The following AMZ1 variants were observed in gnomAD, a reference collection of about 807,000 sequenced individuals.
AMZ1 encodes archaelysin family metallopeptidase 1, also known as archaemetzincin-1.
In AMZ1, 39 loss-of-function variants were observed where a neutral mutation model predicts 29.9. The ratio of observed to expected loss-of-function variants is 1.30; its 90% CI spans 1.01 to 1.70. AMZ1 has a LOEUF of 1.70. AMZ1 is among the 40% of genes most tolerant of loss of function. The probability of loss-of-function intolerance (pLI) is 0.00; values close to 1 mark genes in which losing one functional copy is unlikely to be tolerated. For synonymous variants in AMZ1, 458 were observed against 304.0 expected (o/e 1.51, Z -5.27); for missense variants, 1,041 against 680.6 (o/e 1.53, Z -5.89).
chr7:2,701,032 T>C (rs1788025141), intron 2 of AMZ1, among the ~76,000 whole-genome samples: 1 of 152,186 alleles, frequency 6.6e-6, no homozygotes, highest in African/African-American at 2.4e-5. Context: ...TGGCTACGCC[T>C]GTTGAAACTA....
intron 4 of AMZ1, among the ~76,000 whole-genome samples, chr7:2,745,928 A>G (rs1342192600): frequency 1.3e-5 from 2 of 152,222 alleles, no homozygotes; most frequent in African/African-American, 4.8e-5. Context: ...AAAGAAGGCC[A>G]TTACATAATG....
In AMZ1 at chr7:2,712,771, C is replaced by A. The variant is rs201069985; in HGVS notation, c.1390C>A (p.Arg464Ser). 5 of 1,590,780 alleles carry A rather than the reference C, an allele frequency of 3.1e-6. No homozygotes were observed. Among genetic ancestry groups the A allele is most frequent in the Non-Finnish European group, 8.6e-7 (1 of 1,166,516 alleles). Reference sequence around the variant, plus strand: ...CAGCAGCAGGGACAGCGTGGGGCTGCGCAAGGTGCTGGGGGACAAGTTCTC... The same window carrying A: ...CAGCAGCAGGGACAGCGTGGGGCTGAGCAAGGTGCTGGGGGACAAGTTCTC... ...PPSSRDSVGL[R>S]KVLGDKFSSL... Residue 464 changes from arginine to serine, a missense_variant, in exon 7 of 7, where the codon CGC becomes AGC. By Grantham distance (110) the Arg-to-Ser change is moderately radical. Coordinates refer to ENST00000683327, the MANE Select transcript of AMZ1 (RefSeq NM_001384743.1).
intron 4 of AMZ1, among the ~76,000 whole-genome samples, chr7:2,737,233 C>T (rs941813271): frequency 2.8e-4 from 40 of 145,282 alleles, no homozygotes; most frequent in Non-Finnish European, 4.7e-4. Context: ...TAATTTTAAA[C>T]CCTATCTGCC....
rs563263197 is a variant in AMZ1 at position 2,712,391 on chromosome 7, C to G, written c.1010C>G (p.Pro337Arg). 9.9e-6 allele frequency: 16 copies of G among 1,609,880 alleles called. No individual in the cohort carries two copies. The highest frequency in any genetic ancestry group is 1.4e-5 in the Non-Finnish European group (16 of 1,178,580). The change falls in exon 7 of 7, where the codon CCG (proline) becomes CGG (arginine). Residue 337 changes from proline (P) to arginine (R), a missense_variant. Transcript: ENST00000683327. ...TGGCCCAGCCAGGAGGCGGGGGAGC[C>G]GTCAGTGTGGGAGGACACCCCGCCT... ...GTWPSQEAGE[P>R]SVWEDTPPAS...
At chr7:2,757,082 G>A (rs1281616700) in intron 4 of AMZ1, among the ~76,000 whole-genome samples, 1 of 151,506 alleles carries the variant, frequency 6.6e-6, no homozygotes, top group Non-Finnish European at 1.5e-5. Flanking sequence ...CCCAAGGCGG[G>A]GGAAAAAAGG....
chr7:2,689,371 G>GGGC (rs753061092), intron 1 of AMZ1, among the ~76,000 whole-genome samples: 43 of 83,222 alleles, frequency 5.2e-4, no homozygotes, highest in Non-Finnish European at 9.8e-4. Context: ...GAACCTCCCT[G>GGGC]GGGGGGGGAT....
At chr7:2,694,253 A>G (rs1315329095) in intron 1 of AMZ1, among the ~76,000 whole-genome samples, 2 of 152,094 alleles carry the variant, frequency 1.3e-5, no homozygotes, top group Non-Finnish European at 2.9e-5. Context: ...TTCACCCCTC[A>G]TTTCCTGCCT....
At chr7:2,736,615 C>T (rs945776086) in intron 4 of AMZ1, among the ~76,000 whole-genome samples, 1 of 152,190 alleles carries the variant, frequency 6.6e-6, no homozygotes, top group Non-Finnish European at 1.5e-5. Flanking sequence ...GATGTGATGT[C>T]GTGACACTGG....
At chr7:2,684,908 C>T (rs1255058782), upstream of AMZ1, among the ~76,000 whole-genome samples, 40 of 145,792 alleles carry the variant, frequency 2.7e-4, no homozygotes, top group Admixed American at 1.2e-3. Flanking sequence ...GAGTCTCTGT[C>T]GCCCAGGCTG....
chr7:2,687,555 A>C (rs773874703), upstream of AMZ1, among the ~76,000 whole-genome samples: 13 of 152,226 alleles, frequency 8.5e-5, no homozygotes, highest in African/African-American at 1.7e-4. Flanking sequence ...CCTTCACGGC[A>C]TCCTTCCGCA....
chr7:2,695,939 G>A (rs1787690405), intron 1 of AMZ1, among the ~76,000 whole-genome samples: 1 of 151,154 alleles, frequency 6.6e-6, no homozygotes, highest in African/African-American at 2.4e-5. Flanking sequence ...GAACCCGGAG[G>A]CGGAGGTTGC....
In AMZ1 at chr7:2,733,404, T is replaced by G. The variant is rs528925505; in HGVS notation, n.550+23588T>G. On this transcript the variant is annotated intron_variant and non_coding_transcript_variant, in intron 4 of 4. Transcript: ENST00000489665. ...GGACTGCTTTGGTCTCTGGACACGT[T>G]TTCTAACCCTGGAGCCCAGCTTCTT... The G allele has an allele frequency of 1.7e-5, 24 of 1,445,060 alleles. No homozygotes were observed. The South Asian group carries it at 2.7e-4, about 16-fold the overall frequency. 89.5% of individuals were successfully genotyped at this position (1,445,060 alleles called of 1,614,324 possible).
At chr7:2,693,066 G>A (rs1000389471) in intron 1 of AMZ1, among the ~76,000 whole-genome samples, 2 of 152,174 alleles carry the variant, frequency 1.3e-5, no homozygotes, top group East Asian at 1.9e-4. Context: ...GGCCTGGCAC[G>A]CCTGAGCCCT....
At chr7:2,700,797 A>G (rs887664993) in intron 2 of AMZ1, 42 bp downstream of exon 2, 7 of 1,595,736 alleles carry the variant, frequency 4.4e-6, no homozygotes, top group Admixed American at 3.4e-5. Flanking sequence ...CTGGGGGACC[A>G]GCTTATATAT....
intron 3 of AMZ1, among the ~76,000 whole-genome samples, chr7:2,705,717 G>T (rs1200634797): frequency 1.3e-5 from 2 of 152,188 alleles, no homozygotes; most frequent in African/African-American, 4.8e-5. Context: ...CCCCTGGGTG[G>T]CATGTTTCTT....
intron 4 of AMZ1, among the ~76,000 whole-genome samples, chr7:2,751,287 G>C (rs552308411): frequency 3.3e-5 from 5 of 151,880 alleles, no homozygotes; most frequent in African/African-American, 1.2e-4. Flanking sequence ...TCAGCAGGGG[G>C]AGCTGAGGTG....
chr7:2,679,812 A>T (rs1253688141), intron 1 of AMZ1: 1 of 152,646 alleles, frequency 6.6e-6, no homozygotes, highest in Non-Finnish European at 1.5e-5. Context: ...AGGCCAGGAG[A>T]CCAGGGAAGA....
intron 3 of AMZ1, among the ~76,000 whole-genome samples, chr7:2,703,822 A>G (rs1434663105): frequency 6.6e-6 from 1 of 152,216 alleles, no homozygotes; most frequent in East Asian, 1.9e-4. Context: ...TTTTATGATC[A>G]TTCATGCTTT....
At chr7:2,748,275 G>C (rs1413847327) in intron 4 of AMZ1, among the ~76,000 whole-genome samples, 1 of 152,138 alleles carries the variant, frequency 6.6e-6, no homozygotes, top group Non-Finnish European at 1.5e-5. Context: ...CAAGGCTACA[G>C]TAACCAAAAC....
Sources: gnomAD v4.1 joint callset for allele counts (sites outside exome capture counted in the v4.1 genomes callset) on GRCh38, gnomAD v4.1.1 for gene constraint, MANE v1.5 for transcripts, NCBI Gene and HGNC (gene_info 2026-07-23, HGNC 2026-07-21) for gene names.